Variants in SFXN5 observed in about 807,000 individuals in gnomAD.
SFXN5 encodes the protein sideroflexin-5.
In SFXN5, 43 loss-of-function variants were observed where a neutral mutation model predicts 50.2. The ratio of observed to expected loss-of-function variants is 0.86; its 90% CI spans 0.67 to 1.11. SFXN5 has a LOEUF of 1.11. SFXN5 is among the 50% of genes least tolerant of loss of function. The probability of loss-of-function intolerance (pLI) is 0.00; values close to 1 mark genes in which losing one functional copy is unlikely to be tolerated. For missense variants in SFXN5, 463 were observed against 454.1 expected, an observed-to-expected ratio of 1.02 and a Z score of -0.18; for synonymous variants, 203 against 185.8, an observed-to-expected ratio of 1.09 and a Z score of -0.75.
At chr2:73,032,988 G>T (rs915880093) in intron 3 of SFXN5, among the ~76,000 whole-genome samples, 3 of 152,128 alleles carry the variant, frequency 2.0e-5, no homozygotes, top group African/African-American at 7.2e-5. Context: ...TCTTCGCCTA[G>T]TTCTGCAGCA....
chr2:72,965,169 A>G (rs1316416472), intron 12 of SFXN5, among the ~76,000 whole-genome samples: 1 of 152,336 alleles, frequency 6.6e-6, no homozygotes, highest in South Asian at 2.1e-4. Flanking sequence ...GCGGCTGGAC[A>G]GCAAGAGGAC....
chr2:72,946,435 C>T (rs2105305283), intron 13 of SFXN5, among the ~76,000 whole-genome samples: 1 of 152,316 alleles, frequency 6.6e-6, no homozygotes, highest in South Asian at 2.1e-4. Flanking sequence ...TCACGACACC[C>T]ACTGCATGCT....
intron 13 of SFXN5, among the ~76,000 whole-genome samples, chr2:72,951,732 G>C (rs1361340866): frequency 1.4e-5 from 2 of 141,512 alleles, no homozygotes; most frequent in Non-Finnish European, 3.1e-5. Context: ...GGGGGGTGGG[G>C]TGTTCGGTGT....
intron 3 of SFXN5, among the ~76,000 whole-genome samples, chr2:73,026,660 A>G (rs1677595199): frequency 6.6e-6 from 1 of 152,200 alleles, no homozygotes; most frequent in Admixed American, 6.5e-5. Flanking sequence ...AACACCTGAC[A>G]ATAATAAACG....
At chr2:72,966,886 T>C (rs565329951) in intron 12 of SFXN5, among the ~76,000 whole-genome samples, 179 of 152,320 alleles carry the variant, frequency 1.2e-3, no homozygotes, top group African/African-American at 4.2e-3. Flanking sequence ...GTACGGGTCT[T>C]GCCCACCACC....
At chr2:73,031,087 C>T (rs926046005) in intron 3 of SFXN5, among the ~76,000 whole-genome samples, 10 of 152,210 alleles carry the variant, frequency 6.6e-5, no homozygotes, top group African/African-American at 1.9e-4. Context: ...CCTTATGGCA[C>T]AGACCACAAA....
At chr2:72,984,094 T>G (rs1345867783) in intron 10 of SFXN5, among the ~76,000 whole-genome samples, 1 of 152,170 alleles carries the variant, frequency 6.6e-6, no homozygotes, top group Non-Finnish European at 1.5e-5. Flanking sequence ...TTAATTAAGG[T>G]CTAAGCAAAT....
chr2:72,976,030 T>C lies in SFXN5; in HGVS notation c.626-4345A>G, dbSNP rs139417074. 4.1e-3 allele frequency among the ~76,000 whole-genome samples: 625 copies of C among 152,256 alleles called. 9 individuals carry two copies. The highest frequency in any genetic ancestry group is 0.014 in the African/African-American group (589 of 41,540). On this transcript the variant is annotated intron_variant, in intron 10 of 13. Coordinates refer to ENST00000272433, the MANE Select transcript of SFXN5 (RefSeq NM_144579.3). ...ACATGGGAAGATCTCCAAAACAAAC[T>C]GTTATGTGAAAAAAGCTACTGAGTA...
In SFXN5 at chr2:72,975,533, T is replaced by C. The variant is rs117887335; in HGVS notation, c.626-3848A>G. On this transcript the variant is annotated intron_variant, in intron 10 of 13. Transcript: ENST00000272433. ...AAAATAAACTACCATAACTCCTCAA[T>C]TCTACGATGCACCTTCCCATATTTT... Among the ~76,000 whole-genome samples, 33 of 152,318 alleles carry C rather than the reference T, an allele frequency of 2.2e-4. 1 individual carries two copies. The East Asian group carries it at 5.8e-3, about 27-fold the overall frequency.
At position 72,962,179 on chromosome 2, in the gene SFXN5, C is replaced by T. The variant is rs143932406; in HGVS notation, c.828-931G>A. Among the ~76,000 whole-genome samples, 429 of 152,298 alleles carry T rather than the reference C, an allele frequency of 2.8e-3. 7 individuals are homozygous for T. Among genetic ancestry groups the T allele is most frequent in the East Asian group, 0.01 (54 of 5,182 alleles). On this transcript the variant is annotated intron_variant, in intron 12 of 13. Coordinates refer to ENST00000272433, the MANE Select transcript of SFXN5 (RefSeq NM_144579.3). Reference sequence around the variant, plus strand: ...AGGCCTGGGATGACTAGACTATTTGCCAGGGGGTGTTGGGCAGGCACTAAA... The same window carrying T: ...AGGCCTGGGATGACTAGACTATTTGTCAGGGGGTGTTGGGCAGGCACTAAA...
intron 3 of SFXN5, among the ~76,000 whole-genome samples, chr2:73,025,906 C>T (rs1290459699): frequency 3.9e-5 from 6 of 152,186 alleles, no homozygotes; most frequent in African/African-American, 7.2e-5. Context: ...TGGTCACAGG[C>T]ACAGGGGGAC....
intron 13 of SFXN5, among the ~76,000 whole-genome samples, chr2:72,947,593 C>T (rs187751903): frequency 1.5e-3 from 228 of 152,342 alleles, no homozygotes; most frequent in African/African-American, 5.2e-3. Flanking sequence ...GCCTGGCCTT[C>T]GGAGAGCTCT....
intron 3 of SFXN5, among the ~76,000 whole-genome samples, chr2:73,029,771 T>A (rs1301398099): frequency 6.6e-6 from 1 of 152,232 alleles, no homozygotes; most frequent in Admixed American, 6.5e-5. Flanking sequence ...TTAAGTGACT[T>A]GCCCAAAGTC....
At chr2:73,036,751 G>C (rs1299453510) in intron 3 of SFXN5, among the ~76,000 whole-genome samples, 1 of 152,214 alleles carries the variant, frequency 6.6e-6, no homozygotes, top group East Asian at 1.9e-4. Context: ...ATAGAGGCAG[G>C]ACCCAACTCT....
rs994816441 is a variant in SFXN5 at position 72,951,294 on chromosome 2, G to A, written c.946-6195C>T. ...AGTGCCACCCCATCTTCCCAACCCC[G>A]CTCAGACCTTGCTGCCCCTCCAGGA... On this transcript the variant is annotated intron_variant, in intron 13 of 13. Transcript: ENST00000272433. Among the ~76,000 whole-genome samples, 12 of 152,132 alleles carry A rather than the reference G, an allele frequency of 7.9e-5. No individual in the cohort carries two copies. The East Asian group carries it at 1.9e-3, about 25-fold the overall frequency.
intron 3 of SFXN5, among the ~76,000 whole-genome samples, chr2:73,030,697 G>A (rs544633534): frequency 2.3e-3 from 345 of 152,178 alleles, no homozygotes; most frequent in Non-Finnish European, 4.0e-3. Flanking sequence ...CTGTCTCCAC[G>A]ACATTCACTA....
chr2:72,961,102 G>T lies in SFXN5; in HGVS notation c.945+29C>A. 1 of 1,460,666 alleles carries T rather than the reference G, an allele frequency of 6.8e-7. No individual in the cohort carries two copies. The allele number at this position is 1,460,666 out of a possible 1,614,324, so 90.5% of individuals were successfully genotyped here. A position where few individuals can be genotyped will look rare whatever the true frequency, so the allele number is the denominator to read the frequency against. ...ATCACCAAACAGCACCCCCTGCCCT[G>T]CCCTGCCCTTGAGCCCCTCCCCACT... On this transcript the variant is annotated intron_variant, in intron 13 of 13. Coordinates refer to ENST00000272433, the MANE Select transcript of SFXN5 (RefSeq NM_144579.3). This position sits in a 1 kb window ranked among gnomAD's most constrained non-coding sequence, Gnocchi z 4.4.
intron 9 of SFXN5, 35 bp downstream of exon 9, chr2:72,998,914 C>T (rs1179559712): frequency 6.2e-7 from 1 of 1,610,414 alleles, no homozygotes; most frequent in African/African-American, 1.3e-5. Context: ...CCCAGAGCAG[C>T]AGAGCCAAGA....
At chr2:72,995,708 T>A (rs1219197713) in intron 9 of SFXN5, among the ~76,000 whole-genome samples, 1 of 152,114 alleles carries the variant, frequency 6.6e-6, no homozygotes, top group East Asian at 1.9e-4. Context: ...AGGCTTGCCC[T>A]GGGAGGGGAT....
Sources: allele counts gnomAD v4.1 joint callset (sites outside exome capture counted in the v4.1 genomes callset), GRCh38; gene constraint gnomAD v4.1.1; non-coding constraint Gnocchi (gnomAD v3.1); transcripts MANE v1.5; gene names NCBI Gene and HGNC (gene_info 2026-07-23, HGNC 2026-07-21).